Variants in CCDC92 observed in about 807,000 individuals in gnomAD.
CCDC92 encodes the protein coiled-coil domain-containing protein 92.
Under a neutral mutation model 24.9 loss-of-function variants are expected in CCDC92, and 12 were observed. The ratio of observed to expected loss-of-function variants is 0.48; its 90% CI spans 0.31 to 0.78. CCDC92 has a LOEUF of 0.78. Ranked by LOEUF, CCDC92 falls within the 30% of genes least tolerant of loss-of-function variation. CCDC92 has a pLI of 0.05. For synonymous variants in CCDC92, 193 were observed against 196.3 expected, an observed-to-expected ratio of 0.98 and a Z score of 0.14; for missense variants, 399 against 439.4, an observed-to-expected ratio of 0.91 and a Z score of 0.82.
intron 1 of CCDC92, among the ~76,000 whole-genome samples, chr12:123,950,337 C>G (rs1955993166): frequency 6.6e-6 from 1 of 152,076 alleles, no homozygotes; most frequent in South Asian, 2.1e-4. Flanking sequence ...GCCAGGCCGT[C>G]AGAACAGCAC....
chr12:123,967,583 C>G (rs1309745228), intron 1 of CCDC92, among the ~76,000 whole-genome samples: 1 of 152,170 alleles, frequency 6.6e-6, no homozygotes, highest in Non-Finnish European at 1.5e-5. Context: ...TAACCTCTTA[C>G]GTTCACTTAT....
rs34842474 is a variant in CCDC92, at chr12:123,937,265, G to A, written c.789C>T (p.Leu263=). 1,441 of 1,611,974 alleles carry A rather than the reference G, an allele frequency of 8.9e-4. 11 individuals are homozygous for A. The highest frequency in any genetic ancestry group is 1.0e-3 in the African/African-American group (76 of 75,052). Residue 263 remains leucine, a synonymous_variant, in exon 5 of 5, where the codon CTC becomes CTT. Coordinates refer to ENST00000238156, the MANE Select transcript of CCDC92 (RefSeq NM_025140.3). The surrounding 1 kb of genome is among the most constrained non-coding windows in gnomAD (Gnocchi z 8.4). ...AEVHLIKERP[L]VIPPIASDRS... Reference sequence around the variant, plus strand: ...GGTCGGAGGCGATGGGGGGGATGACGAGGGGCCTCTCTTTGATGAGGTGGA... The same window carrying A: ...GGTCGGAGGCGATGGGGGGGATGACAAGGGGCCTCTCTTTGATGAGGTGGA...
chr12:123,960,851 G>A (rs973343631), intron 1 of CCDC92: 3 of 152,194 alleles, frequency 2.0e-5, no homozygotes, highest in East Asian at 1.9e-4. Flanking sequence ...TCACCAGGAC[G>A]TTATGGGGAT....
At chr12:123,945,231 A>C (rs914323163) in intron 1 of CCDC92, 5 of 152,112 alleles carry the variant, frequency 3.3e-5, no homozygotes, top group Admixed American at 6.6e-5. Context: ...GGCAGAGTTG[A>C]GTTTCCATCA....
At position 123,972,826 on chromosome 12, in the gene CCDC92, G is replaced by C. The variant is rs925910193; in HGVS notation, c.-357C>G. ...TAGGCGCCGGCGCGGCGGCGGGCCT[G>C]TGTCTGCCGGGCTGGGCGGGGGCGG... On this transcript the variant is annotated 5_prime_UTR_variant, in exon 1 of 5. Coordinates refer to ENST00000238156, the MANE Select transcript of CCDC92 (RefSeq NM_025140.3). The C allele has an allele frequency of 6.1e-5, 9 of 147,364 alleles. No individual in the cohort carries two copies. Among genetic ancestry groups the C allele is most frequent in the Admixed American group, 2.0e-4 (3 of 14,860 alleles). The allele number at this position is 147,364 out of a possible 1,614,324, so 9.1% of individuals were successfully genotyped here.
At chr12:123,940,413 C>T (rs1468077193) in intron 4 of CCDC92, among the ~76,000 whole-genome samples, 1 of 152,206 alleles carries the variant, frequency 6.6e-6, no homozygotes, top group East Asian at 1.9e-4. Flanking sequence ...CTGCCTCCTC[C>T]TCCAGGGTGC....
intron 1 of CCDC92, among the ~76,000 whole-genome samples, chr12:123,965,851 T>C (rs907808276): frequency 6.6e-6 from 1 of 152,088 alleles, no homozygotes; most frequent in African/African-American, 2.4e-5. Flanking sequence ...TCATCAGCAC[T>C]GTGTGAGTTG....
At chr12:123,943,239 C>A in intron 3 of CCDC92, 108 bp downstream of exon 3, 1 of 1,236,268 alleles carries the variant, frequency 8.1e-7, no homozygotes. Flanking sequence ...TGGACTCCTG[C>A]AACGATGATG....
chr12:123,945,822 A>G (rs1482302015), intron 1 of CCDC92: 1 of 152,258 alleles, frequency 6.6e-6, no homozygotes, highest in Non-Finnish European at 1.5e-5. Flanking sequence ...AGCAGAGCCC[A>G]TATGTTAGTG....
intron 1 of CCDC92, chr12:123,970,253 A>C (rs1055711011): frequency 6.6e-5 from 10 of 151,976 alleles, no homozygotes; most frequent in Non-Finnish European, 1.3e-4. Flanking sequence ...TCTCAGAAAG[A>C]CCCTCCTATA....
chr12:123,953,650 C>T (rs1318084307), intron 1 of CCDC92, among the ~76,000 whole-genome samples: 1 of 152,138 alleles, frequency 6.6e-6, no homozygotes, highest in East Asian at 1.9e-4. Flanking sequence ...TGGTGGCACA[C>T]GCCTGCGGTC....
At chr12:123,943,206 G>T in intron 3 of CCDC92, 141 bp downstream of exon 3, 1 of 811,064 alleles carries the variant, frequency 1.2e-6, no homozygotes, top group East Asian at 2.6e-5. Context: ...ATTATGCAAT[G>T]AGGATGATAT....
chr12:123,951,662 A>C (rs1406749647), intron 1 of CCDC92, among the ~76,000 whole-genome samples: 2 of 152,340 alleles, frequency 1.3e-5, no homozygotes, highest in Middle Eastern at 3.4e-3. Flanking sequence ...CCTGGCCCTT[A>C]ACAGGGCACA....
chr12:123,948,339 T>C (rs749399094), intron 1 of CCDC92, among the ~76,000 whole-genome samples: 4 of 152,220 alleles, frequency 2.6e-5, no homozygotes, highest in Non-Finnish European at 4.4e-5. Context: ...AATTTAAATA[T>C]GATTTAGTAA....
intron 1 of CCDC92, among the ~76,000 whole-genome samples, chr12:123,959,486 G>A (rs921188262): frequency 6.6e-6 from 1 of 152,066 alleles, no homozygotes; most frequent in Non-Finnish European, 1.5e-5. Context: ...TGTATTTTTA[G>A]TAGAGACAAG....
chr12:123,964,046 G>T (rs1416435295), intron 1 of CCDC92, among the ~76,000 whole-genome samples: 1 of 152,164 alleles, frequency 6.6e-6, no homozygotes, highest in East Asian at 1.9e-4. Context: ...AGGAAACCCT[G>T]TTTACAAGAG....
rs1955763952 is a variant in CCDC92, at chr12:123,943,773, G to A, written c.35-280C>T. 1.5e-5 allele frequency: 8 copies of A among 532,612 alleles called. No individual in the cohort carries two copies. The South Asian group carries it at 2.1e-4, about 14-fold the overall frequency. The allele number at this position is 532,612 out of a possible 1,614,324, so 33.0% of individuals were successfully genotyped here. A position where few individuals can be genotyped will look rare whatever the true frequency, so the allele number is the denominator to read the frequency against. Reference sequence around the variant, plus strand: ...ATGAATGAGTGAGGCCCACTCCAGAGTACAAAGTCATTTCCCTTTACTCAT... The same window carrying A: ...ATGAATGAGTGAGGCCCACTCCAGAATACAAAGTCATTTCCCTTTACTCAT... On this transcript the variant is annotated intron_variant, in intron 2 of 4. Coordinates refer to ENST00000238156, the MANE Select transcript of CCDC92 (RefSeq NM_025140.3).
chr12:123,971,361 G>GT (rs1483309460), intron 1 of CCDC92: 1 of 149,724 alleles, frequency 6.7e-6, no homozygotes, highest in Non-Finnish European at 1.5e-5. Flanking sequence ...CACTTTAAAC[G>GT]TTAGCATCTT....
intron 1 of CCDC92, among the ~76,000 whole-genome samples, chr12:123,959,583 G>A (rs945589367): frequency 6.6e-6 from 1 of 152,172 alleles, no homozygotes; most frequent in Non-Finnish European, 1.5e-5. Flanking sequence ...GGGATTACAG[G>A]TGTGAGCCAC....
Sources: gnomAD v4.1 joint callset for allele counts (sites outside exome capture counted in the v4.1 genomes callset) on GRCh38, gnomAD v4.1.1 for gene constraint, Gnocchi (gnomAD v3.1) non-coding constraint, MANE v1.5 for transcripts, NCBI Gene and HGNC (gene_info 2026-07-23, HGNC 2026-07-21) for gene names.